ADGB: variants seen among roughly 807,000 people sequenced by gnomAD.
The protein encoded by ADGB is calpain-7-like protein.
ADGB carries 172 observed loss-of-function variants against 210.5 expected under a neutral mutation model. The observed-to-expected ratio is 0.82, with a 90% CI of 0.72 to 0.93. The LOEUF (loss-of-function observed/expected upper bound fraction) is 0.93. ADGB is among the 40% of genes least tolerant of loss of function. ADGB has a pLI of 0.00. For missense variants in ADGB, 2,025 were observed against 1,964.8 expected (o/e 1.03, Z -0.58); for synonymous variants, 658 against 662.7 (o/e 0.99, Z 0.11).
At chr6:146,778,881 A>AT (rs1777757943) in intron 29 of ADGB, among the ~76,000 whole-genome samples, 1 of 152,208 alleles carries the variant, frequency 6.6e-6, no homozygotes, top group South Asian at 2.1e-4. Flanking sequence ...TAGTAACTCC[A>AT]TGAAAGCAAT....
chr6:146,740,685 T>G, intron 24 of ADGB, 92 bp downstream of exon 24: 1 of 1,317,244 alleles, frequency 7.6e-7, no homozygotes, highest in African/African-American at 1.5e-5. Context: ...GGTATTAGCT[T>G]CTGGGTTGCT....
chr6:146,677,216 A>T (rs1290590678), intron 9 of ADGB, among the ~76,000 whole-genome samples: 1 of 152,172 alleles, frequency 6.6e-6, no homozygotes, highest in Non-Finnish European at 1.5e-5. Context: ...TAAAAAAATG[A>T]TACCGCAACC....
At chr6:146,734,076 A>G (rs1562286953) in intron 22 of ADGB, 46 bp downstream of exon 22, 2 of 1,524,048 alleles carry the variant, frequency 1.3e-6, no homozygotes, top group Admixed American at 2.1e-5. Flanking sequence ...TTGTATAAGA[A>G]TAAATATTTA....
intron 28 of ADGB, among the ~76,000 whole-genome samples, chr6:146,764,756 C>T (rs1461032509): frequency 6.6e-6 from 1 of 152,062 alleles, no homozygotes; most frequent in Non-Finnish European, 1.5e-5. Context: ...AAAAACATAC[C>T]TGGCAAATAT....
At chr6:146,709,321 T>C (rs1776623648) in intron 13 of ADGB, among the ~76,000 whole-genome samples, 1 of 152,194 alleles carries the variant, frequency 6.6e-6, no homozygotes. Flanking sequence ...TGTCTGTAAA[T>C]TTAAGAGTAG....
chr6:146,778,212 T>C (rs1305801594), intron 29 of ADGB, among the ~76,000 whole-genome samples: 1 of 152,166 alleles, frequency 6.6e-6, no homozygotes. Flanking sequence ...GCTGAAGTTG[T>C]AGCTATGGCC....
At chr6:146,617,848 A>C (rs1249691168) in intron 1 of ADGB, among the ~76,000 whole-genome samples, 1 of 152,044 alleles carries the variant, frequency 6.6e-6, no homozygotes, top group Non-Finnish European at 1.5e-5. Context: ...TTGCCAGGAC[A>C]GTTGTTCTTT....
intron 9 of ADGB, among the ~76,000 whole-genome samples, chr6:146,680,772 T>G (rs1358225788): frequency 6.6e-6 from 1 of 152,138 alleles, no homozygotes; most frequent in Admixed American, 6.6e-5. Context: ...GAATTGTCTG[T>G]TTTTCCAAAA....
At chr6:146,650,219 T>C (rs570175897) in intron 3 of ADGB, among the ~76,000 whole-genome samples, 2 of 152,290 alleles carry the variant, frequency 1.3e-5, no homozygotes, top group East Asian at 3.9e-4. Flanking sequence ...TTGTCTTCTG[T>C]TTTAAATGAG....
At chr6:146,599,169 A>G in intron 1 of ADGB, 55 bp downstream of exon 1, 3 of 1,481,172 alleles carry the variant, frequency 2.0e-6, no homozygotes, top group Non-Finnish European at 1.8e-6. Flanking sequence ...CGACCTCACC[A>G]CTAGTTCTGG....
intron 32 of ADGB, among the ~76,000 whole-genome samples, chr6:146,786,416 A>G (rs1388175166): frequency 6.6e-6 from 1 of 151,874 alleles, no homozygotes; most frequent in South Asian, 2.1e-4. Context: ...ATCCCAAATC[A>G]TGCTTTTCCA....
chr6:146,808,043 A>G (rs1261724186), intron 35 of ADGB, among the ~76,000 whole-genome samples: 2 of 117,958 alleles, frequency 1.7e-5, no homozygotes, highest in Non-Finnish European at 3.2e-5. Context: ...TCTGTTGCCC[A>G]GGCTGGAGTG....
chr6:146,635,405 T>C lies in ADGB; in HGVS notation c.105T>C (p.Ser35=). The C allele has an allele frequency of 6.5e-7, 1 of 1,544,636 alleles. No individual in the cohort carries two copies. Among genetic ancestry groups the C allele is most frequent in the Non-Finnish European group, 8.7e-7 (1 of 1,143,576 alleles). The change falls in exon 2 of 36, where the codon TCT becomes TCC. Residue 35 remains serine (S), a synonymous_variant. Coordinates refer to ENST00000397944, the MANE Select transcript of ADGB (RefSeq NM_024694.4). Reference sequence around the variant, plus strand: ...ATCCTTTTGGCAGTAATGTACAATCTGGTTCTACTGAACAAAAGAAGGGGA... The same window carrying C: ...ATCCTTTTGGCAGTAATGTACAATCCGGTTCTACTGAACAAAAGAAGGGGA... The part of the protein sequence containing the change: ...DFYPFGSNVQ[S]GSTEQKKGKF...
At chr6:146,627,470 A>G (rs1357702813) in intron 1 of ADGB, among the ~76,000 whole-genome samples, 1 of 151,950 alleles carries the variant, frequency 6.6e-6, no homozygotes, top group African/African-American at 2.4e-5. Flanking sequence ...TGGTTTTAAG[A>G]TTTGTTACGT....
In ADGB at chr6:146,799,835, A is replaced by T. The variant is rs140986387; in HGVS notation, c.4538-1348A>T. Among the ~76,000 whole-genome samples, 1,152 of 151,942 alleles carry T rather than the reference A, an allele frequency of 7.6e-3. 19 individuals carry two copies. The highest frequency in any genetic ancestry group is 0.027 in the African/African-American group (1,099 of 41,414). ...TTGTTGTTGTTGTTTTCTGAGACAG[A>T]GTCTCACTCTGTCGCCCAGGCTGGA... On this transcript the variant is annotated intron_variant, in intron 33 of 35. Coordinates refer to ENST00000397944, the MANE Select transcript of ADGB (RefSeq NM_024694.4).
intron 12 of ADGB, among the ~76,000 whole-genome samples, chr6:146,696,370 C>T (rs1776403367): frequency 1.3e-5 from 2 of 149,574 alleles, no homozygotes; most frequent in South Asian, 4.1e-4. Flanking sequence ...GCCACAGTGC[C>T]CAGCCAGAAA....
At chr6:146,757,371 TTAA>T (rs1200249093) in intron 27 of ADGB, among the ~76,000 whole-genome samples, 12 of 152,062 alleles carry the variant, frequency 7.9e-5, no homozygotes, top group Admixed American at 1.3e-4. Flanking sequence ...AACAAATATG[TTAA>T]TAATATATTT....
At chr6:146,768,814 C>T (rs531362696) in intron 28 of ADGB, among the ~76,000 whole-genome samples, 2 of 152,168 alleles carry the variant, frequency 1.3e-5, no homozygotes, top group South Asian at 2.1e-4. Context: ...TGGGTAGTGG[C>T]AGGTGTTGGT....
chr6:146,778,009 G>T (rs1777745890), intron 29 of ADGB, among the ~76,000 whole-genome samples: 1 of 152,096 alleles, frequency 6.6e-6, no homozygotes. Context: ...GCCATATTTT[G>T]TGACAACAAA....
Sources: gnomAD v4.1 joint callset for allele counts (sites outside exome capture counted in the v4.1 genomes callset) on GRCh38, gnomAD v4.1.1 for gene constraint, MANE v1.5 for transcripts, NCBI Gene and HGNC (gene_info 2026-07-23, HGNC 2026-07-21) for gene names.